The following MAML2 variants were observed in gnomAD, a reference collection of about 807,000 sequenced individuals.
The protein encoded by MAML2 is mastermind-like protein 2.
A neutral mutation model predicts 96.1 loss-of-function variants in MAML2; 22 were observed. The ratio of observed to expected loss-of-function variants is 0.23; its 90% CI spans 0.16 to 0.33. MAML2 has a LOEUF of 0.33. Ranked by LOEUF, MAML2 falls within the 10% of genes least tolerant of loss-of-function variation. The probability of loss-of-function intolerance (pLI) is 1.00; values close to 1 mark genes in which losing one functional copy is unlikely to be tolerated. For missense variants in MAML2, 1,367 were observed against 1,392.4 expected (o/e 0.98, Z 0.29); for synonymous variants, 561 against 521.3 (o/e 1.08, Z -1.04).
At chr11:96,303,901 A>AC (rs1441012343) in intron 1 of MAML2, among the ~76,000 whole-genome samples, 14 of 152,186 alleles carry the variant, frequency 9.2e-5, no homozygotes, top group African/African-American at 3.1e-4. Flanking sequence ...GAAAACAAAA[A>AC]GAAAAAATAT....
rs920291742 is a variant in MAML2, at chr11:96,129,971, T to G, written c.514-36454A>C. Among the ~76,000 whole-genome samples, 6 of 152,260 alleles carry G rather than the reference T, an allele frequency of 3.9e-5. 1 individual carries two copies. The highest frequency in any genetic ancestry group is 8.8e-5 in the Non-Finnish European group (6 of 68,046). On this transcript the variant is annotated intron_variant, in intron 1 of 4. Transcript: ENST00000524717. ...AGAACTACTAGGTATAATGGAAAGT[T>G]ACCATCTTGCAGCTGAGTACAAGGA...
intron 1 of MAML2, among the ~76,000 whole-genome samples, chr11:96,141,293 C>T (rs1462277373): frequency 6.6e-6 from 1 of 152,036 alleles, no homozygotes; most frequent in Non-Finnish European, 1.5e-5. Context: ...AATTAAGTAT[C>T]TTGTATTTTA....
At chr11:96,105,799 G>C (rs1050717636) in intron 1 of MAML2, among the ~76,000 whole-genome samples, 2 of 151,566 alleles carry the variant, frequency 1.3e-5, no homozygotes, top group African/African-American at 4.8e-5. Context: ...TCACATCAAA[G>C]ATACATCTAA....
At chr11:95,999,200 T>TCCAAA (rs1858043162) in intron 2 of MAML2, among the ~76,000 whole-genome samples, 1 of 152,196 alleles carries the variant, frequency 6.6e-6, no homozygotes, top group East Asian at 1.9e-4. Context: ...AAGAAAATCT[T>TCCAAA]GTAAATCTAT....
chr11:95,998,235 C>G (rs531916629), intron 2 of MAML2, among the ~76,000 whole-genome samples: 7 of 151,448 alleles, frequency 4.6e-5, no homozygotes, highest in Non-Finnish European at 8.9e-5. Context: ...CCTGTCCATT[C>G]TAGTCCAAAT....
At chr11:96,009,674 G>A (rs888501072) in intron 2 of MAML2, among the ~76,000 whole-genome samples, 3 of 152,112 alleles carry the variant, frequency 2.0e-5, no homozygotes, top group Non-Finnish European at 4.4e-5. Context: ...CACTTCTTAG[G>A]GAAGCCAGGA....
chr11:96,232,341 C>G (rs935009673), intron 1 of MAML2, among the ~76,000 whole-genome samples: 1 of 152,150 alleles, frequency 6.6e-6, no homozygotes, highest in Non-Finnish European at 1.5e-5. Flanking sequence ...AAAAGTGCTA[C>G]AGAAATTCCG....
At chr11:96,100,754 T>C (rs1001756063) in intron 1 of MAML2, among the ~76,000 whole-genome samples, 3 of 150,650 alleles carry the variant, frequency 2.0e-5, no homozygotes, top group Non-Finnish European at 4.4e-5. Context: ...TTTTCTTTTT[T>C]TTTTTTTCTG....
chr11:96,309,018 A>G (rs1315820045), intron 1 of MAML2, among the ~76,000 whole-genome samples: 5 of 152,376 alleles, frequency 3.3e-5, no homozygotes, highest in Admixed American at 2.0e-4. Flanking sequence ...ATAAAATGAA[A>G]ATAACTCATT....
chr11:96,269,306 C>T (rs1418018598), intron 1 of MAML2, among the ~76,000 whole-genome samples: 1 of 144,128 alleles, frequency 6.9e-6, no homozygotes, highest in Admixed American at 7.3e-5. Context: ...TAGAAAGTCA[C>T]ATGAATCATC....
intron 1 of MAML2, among the ~76,000 whole-genome samples, chr11:96,149,495 G>C (rs1009444715): frequency 2.0e-5 from 3 of 149,182 alleles, no homozygotes; most frequent in Non-Finnish European, 4.4e-5. Context: ...ACTTTGGGAG[G>C]CCGAGGCAGA....
intron 1 of MAML2, among the ~76,000 whole-genome samples, chr11:96,253,491 C>A (rs1453824767): frequency 6.6e-6 from 1 of 152,154 alleles, no homozygotes; most frequent in African/African-American, 2.4e-5. Context: ...TCTCCCATGC[C>A]ATCTTGTTTA....
intron 1 of MAML2, among the ~76,000 whole-genome samples, chr11:96,093,979 T>A (rs957993926): frequency 4.5e-5 from 4 of 88,172 alleles, no homozygotes; most frequent in African/African-American, 1.6e-4. Context: ...TGGGAACAAA[T>A]CTCTAGTTTC....
At chr11:96,019,126 T>C (rs199734686) in intron 2 of MAML2, among the ~76,000 whole-genome samples, 1 of 152,144 alleles carries the variant, frequency 6.6e-6, no homozygotes, top group Non-Finnish European at 1.5e-5. Flanking sequence ...ATTTTGTTTG[T>C]TTCTTAAGGT....
At chr11:96,159,310 C>A (rs1490514665) in intron 1 of MAML2, among the ~76,000 whole-genome samples, 3 of 152,070 alleles carry the variant, frequency 2.0e-5, no homozygotes, top group African/African-American at 7.2e-5. Flanking sequence ...AAATCATCAG[C>A]CCTAAATTAC....
At chr11:96,136,945 G>A (rs911649803) in intron 1 of MAML2, among the ~76,000 whole-genome samples, 3 of 152,190 alleles carry the variant, frequency 2.0e-5, no homozygotes, top group Non-Finnish European at 2.9e-5. Flanking sequence ...GATGCCCTGA[G>A]CACTTTGAGT....
chr11:96,073,143 A>G (rs1859373444), intron 2 of MAML2, among the ~76,000 whole-genome samples: 1 of 152,154 alleles, frequency 6.6e-6, no homozygotes, highest in South Asian at 2.1e-4. Context: ...GAATAATTTA[A>G]CTGAAGTGTA....
intron 1 of MAML2, among the ~76,000 whole-genome samples, chr11:96,228,035 G>C (rs116347858): frequency 0.013 from 1,987 of 152,322 alleles, 48 homozygotes; most frequent in African/African-American, 0.046. Flanking sequence ...CTGGGAGGCT[G>C]AGCCTGGAGT....
At chr11:96,161,989 C>T (rs1861112443) in intron 1 of MAML2, among the ~76,000 whole-genome samples, 1 of 152,144 alleles carries the variant, frequency 6.6e-6, no homozygotes, top group Admixed American at 6.5e-5. Context: ...TCTACTATAC[C>T]ATGCAGCCAT....
Sources: gnomAD v4.1 joint callset for allele counts (sites outside exome capture counted in the v4.1 genomes callset) on GRCh38, gnomAD v4.1.1 for gene constraint, MANE v1.5 for transcripts, NCBI Gene and HGNC (gene_info 2026-07-23, HGNC 2026-07-21) for gene names.